The following CTNNA3 variants were observed in gnomAD, a reference collection of about 807,000 sequenced individuals.
CTNNA3 encodes catenin alpha-3.
In CTNNA3, 76 loss-of-function variants were observed where a neutral mutation model predicts 95.7. The observed-to-expected ratio is 0.79, with a 90% CI of 0.66 to 0.96. The LOEUF (loss-of-function observed/expected upper bound fraction) is 0.96. Ranked by LOEUF, CTNNA3 falls within the 40% of genes least tolerant of loss-of-function variation. The probability of loss-of-function intolerance (pLI) is 0.00; values close to 1 mark genes in which losing one functional copy is unlikely to be tolerated. For synonymous variants in CTNNA3, 431 were observed against 374.4 expected (o/e 1.15, Z -1.74); for missense variants, 1,191 against 1,089.8 (o/e 1.09, Z -1.31).
chr10:67,584,824 C>T (rs551172087), intron 3 of CTNNA3, among the ~76,000 whole-genome samples: 107 of 152,342 alleles, frequency 7.0e-4, no homozygotes, highest in African/African-American at 2.4e-3. Flanking sequence ...AAACTGTGTG[C>T]TAGCAATGAG....
At chr10:67,075,264 A>T (rs1856687631) in intron 7 of CTNNA3, among the ~76,000 whole-genome samples, 1 of 151,602 alleles carries the variant, frequency 6.6e-6, no homozygotes, top group African/African-American at 2.4e-5. Context: ...ATCTTAAATT[A>T]AAAAAAAATC....
intron 13 of CTNNA3, among the ~76,000 whole-genome samples, chr10:66,136,786 T>C (rs527688823): frequency 1.3e-5 from 2 of 152,256 alleles, no homozygotes; most frequent in African/African-American, 4.8e-5. Context: ...AATTTTAGTA[T>C]CTATTACATT....
chr10:66,577,643 T>C (rs12268642), intron 10 of CTNNA3, among the ~76,000 whole-genome samples: 43,676 of 151,848 alleles, frequency 0.29, 6,706 homozygotes, highest in Middle Eastern at 0.42. Context: ...TGTAGGTTTG[T>C]GGCTTTATCT....
intron 7 of CTNNA3, among the ~76,000 whole-genome samples, chr10:66,871,331 G>T (rs1844393718): frequency 6.6e-6 from 1 of 152,116 alleles, no homozygotes; most frequent in Non-Finnish European, 1.5e-5. Context: ...GGCTAAGGCT[G>T]GAGGATCACC....
At chr10:67,366,573 G>A (rs535981465) in intron 5 of CTNNA3, among the ~76,000 whole-genome samples, 16 of 152,016 alleles carry the variant, frequency 1.1e-4, no homozygotes, top group South Asian at 6.2e-4. Flanking sequence ...CCTGGGAGGC[G>A]GAGGTTGCAG....
chr10:67,403,304 C>G (rs1844995366), intron 5 of CTNNA3: 1 of 152,390 alleles, frequency 6.6e-6, no homozygotes, highest in African/African-American at 2.4e-5. Flanking sequence ...TGATCTCTCC[C>G]TTGGCTGGAG....
chr10:67,179,450 G>A (rs1009310587), intron 7 of CTNNA3, among the ~76,000 whole-genome samples: 2 of 137,318 alleles, frequency 1.5e-5, no homozygotes, highest in African/African-American at 5.6e-5. Flanking sequence ...AAATATTTTT[G>A]CCCTAAATTT....
chr10:67,221,905 A>G (rs1864678024), intron 5 of CTNNA3, among the ~76,000 whole-genome samples: 1 of 152,190 alleles, frequency 6.6e-6, no homozygotes, highest in Non-Finnish European at 1.5e-5. Flanking sequence ...TAGCTTATAA[A>G]GTGCTTCTAT....
chr10:65,945,173 T>C (rs2077497652), intron 17 of CTNNA3, among the ~76,000 whole-genome samples: 1 of 151,868 alleles, frequency 6.6e-6, no homozygotes, highest in South Asian at 2.1e-4. Context: ...TATATATATA[T>C]ATAGTGAGAG....
intron 11 of CTNNA3, among the ~76,000 whole-genome samples, chr10:66,420,936 C>T (rs920689365): frequency 2.6e-5 from 4 of 152,052 alleles, no homozygotes; most frequent in Admixed American, 6.6e-5. Flanking sequence ...GAAAAGAAAT[C>T]GGTATATCAA....
intron 15 of CTNNA3, among the ~76,000 whole-genome samples, chr10:66,055,248 T>C (rs556620308): frequency 3.3e-5 from 5 of 152,308 alleles, no homozygotes; most frequent in Non-Finnish European, 5.9e-5. Context: ...CTTTTTCTGT[T>C]TCTGTGAAGA....
At chr10:67,500,847 A>T (rs1026153446) in intron 5 of CTNNA3, among the ~76,000 whole-genome samples, 1 of 151,270 alleles carries the variant, frequency 6.6e-6, no homozygotes, top group Non-Finnish European at 1.5e-5. Context: ...AATACAGCAC[A>T]CTATGTGTGC....
At chr10:66,628,469 T>C (rs1298138618) in intron 9 of CTNNA3, among the ~76,000 whole-genome samples, 1 of 152,146 alleles carries the variant, frequency 6.6e-6, no homozygotes, top group Non-Finnish European at 1.5e-5. Flanking sequence ...GATTTCAGTC[T>C]GACTGTGTAT....
intron 5 of CTNNA3, among the ~76,000 whole-genome samples, chr10:67,355,836 G>A (rs998072016): frequency 4.6e-5 from 7 of 151,718 alleles, no homozygotes; most frequent in Admixed American, 2.0e-4. Context: ...TCTGTATTAG[G>A]TCAGTAGTAC....
At chr10:67,723,956 G>A (rs11815532) in intron 1 of CTNNA3, among the ~76,000 whole-genome samples, 18,977 of 151,970 alleles carry the variant, frequency 0.12, 1,772 homozygotes, top group African/African-American at 0.27. Context: ...CAATGGGGAC[G>A]AGGAGCTGGC....
chr10:66,007,392 C>T (rs1433837144), intron 15 of CTNNA3, among the ~76,000 whole-genome samples: 1 of 152,164 alleles, frequency 6.6e-6, no homozygotes, highest in Non-Finnish European at 1.5e-5. Context: ...TTCCTCCTCC[C>T]ACCATCCACC....
At chr10:66,425,033 T>A (rs1432648513) in intron 11 of CTNNA3, among the ~76,000 whole-genome samples, 1 of 152,054 alleles carries the variant, frequency 6.6e-6, no homozygotes, top group African/African-American at 2.4e-5. Flanking sequence ...TGGTTCTGCT[T>A]TGTTCTGAAG....
intron 7 of CTNNA3, among the ~76,000 whole-genome samples, chr10:66,879,579 G>T (rs182797090): frequency 6.6e-6 from 1 of 152,170 alleles, no homozygotes; most frequent in East Asian, 1.9e-4. Flanking sequence ...CACCTGTTCT[G>T]CAAGTGACCT....
At chr10:67,096,446 G>T (rs10762138) in intron 7 of CTNNA3, among the ~76,000 whole-genome samples, 84,176 of 151,608 alleles carry the variant, frequency 0.56, 24,730 homozygotes, top group African/African-American at 0.76. Context: ...CAGAAAGGAA[G>T]TTAGTCTGAT....
Sources: gnomAD v4.1 joint callset for allele counts (sites outside exome capture counted in the v4.1 genomes callset) on GRCh38, gnomAD v4.1.1 for gene constraint, MANE v1.5 for transcripts, NCBI Gene and HGNC (gene_info 2026-07-23, HGNC 2026-07-21) for gene names.